Variants in MFF observed in about 807,000 individuals in gnomAD.
The protein encoded by MFF is chromosome 2 open reading frame 33.
In MFF, 12 loss-of-function variants were observed where a neutral mutation model predicts 36.9. The observed-to-expected ratio is 0.33, with a 90% CI of 0.21 to 0.53. MFF has a LOEUF of 0.53. Among genes scored for constraint, MFF ranks in the 20% least tolerant of loss-of-function variants. The pLI is 0.95. For synonymous variants in MFF, 99 were observed against 126.2 expected, an observed-to-expected ratio of 0.78 and a Z score of 1.44; for missense variants, 348 against 366.6, an observed-to-expected ratio of 0.95 and a Z score of 0.42.
At chr2:227,339,012 G>A (rs2075231094) in intron 4 of MFF, among the ~76,000 whole-genome samples, 1 of 151,876 alleles carries the variant, frequency 6.6e-6, no homozygotes, top group Non-Finnish European at 1.5e-5. Context: ...AGACCAGCCT[G>A]GGGAACATGG....
At chr2:227,328,402 G>A (rs976905125) in intron 1 of MFF, among the ~76,000 whole-genome samples, 3 of 149,472 alleles carry the variant, frequency 2.0e-5, no homozygotes, top group African/African-American at 2.5e-5. Context: ...TTAAACTTAC[G>A]TATTTTTCAT....
At chr2:227,355,549 G>T in intron 7 of MFF, 128 bp from the exon 8 acceptor site, 2 of 480,696 alleles carry the variant, frequency 4.2e-6, no homozygotes, top group South Asian at 4.4e-5. Context: ...AAATATTTTA[G>T]TAATTCATAT....
chr2:227,333,971 G>T (rs76849806), intron 4 of MFF, among the ~76,000 whole-genome samples: 2 of 152,274 alleles, frequency 1.3e-5, no homozygotes, highest in Admixed American at 1.3e-4. Context: ...ACTCTACGGG[G>T]TTCATTCCTG....
Position 227,357,023 on chromosome 2 carries a change from A to G in MFF, c.782A>G (p.Glu261Gly), listed in dbSNP as rs1314690385. ...AATAGACGTCTACAACTTCTGGAAGAGGAGAACAAAGAACGTGCTAAAAGA... is the reference window on the plus strand; with the variant it reads ...AATAGACGTCTACAACTTCTGGAAGGGGAGAACAAAGAACGTGCTAAAAGA... ...KLNRRLQLLEEENKERAKREM... is the reference protein window; with the variant it reads ...KLNRRLQLLEGENKERAKREM... The change falls in exon 9 of 9, where the codon GAG becomes GGG. Residue 261 changes from glutamate to glycine, a missense_variant. Transcript: ENST00000304593. 3 of 1,613,232 alleles carry G rather than the reference A, an allele frequency of 1.9e-6. No individual in the cohort carries two copies. Among genetic ancestry groups the G allele is most frequent in the Non-Finnish European group, 2.5e-6 (3 of 1,179,620 alleles).
At chr2:227,336,852 G>A (rs150362095) in intron 4 of MFF, among the ~76,000 whole-genome samples, 139 of 152,262 alleles carry the variant, frequency 9.1e-4, no homozygotes, top group Admixed American at 1.6e-3. Flanking sequence ...ATATGACAAC[G>A]CTAAGGATGT....
intron 5 of MFF, chr2:227,342,846 A>C: frequency 6.3e-7 from 1 of 1,588,376 alleles, no homozygotes; most frequent in Non-Finnish European, 8.6e-7. Context: ...TCTGCTTTTG[A>C]CAAGTAGTTG....
chr2:227,329,598 T>C, intron 2 of MFF: 1 of 528,886 alleles, frequency 1.9e-6, no homozygotes, highest in Non-Finnish European at 3.3e-6. Context: ...ATTCTTTCTT[T>C]TTTACAGCTG....
chr2:227,331,597 A>T (rs1183224513), intron 3 of MFF, among the ~76,000 whole-genome samples: 2 of 152,212 alleles, frequency 1.3e-5, no homozygotes, highest in African/African-American at 4.8e-5. Flanking sequence ...AAATTCTTGT[A>T]CTATGTTGCA....
chr2:227,329,695 A>T, intron 2 of MFF: 3 of 1,278,294 alleles, frequency 2.3e-6, no homozygotes, highest in Non-Finnish European at 2.3e-6. Context: ...ACTGAACTGC[A>T]GGGTAGCAGT....
At chr2:227,345,703 A>G (rs1191793517) in intron 5 of MFF, among the ~76,000 whole-genome samples, 4 of 151,924 alleles carry the variant, frequency 2.6e-5, no homozygotes, top group African/African-American at 7.3e-5. Context: ...TTGTTTGTTT[A>G]TTTGTTTTTA....
intron 7 of MFF, 129 bp from the exon 8 acceptor site, chr2:227,355,548 A>C: frequency 2.1e-6 from 1 of 485,378 alleles, no homozygotes; most frequent in Non-Finnish European, 3.8e-6. Context: ...AAAATATTTT[A>C]GTAATTCATA....
chr2:227,350,620 C>T (rs1395002326), intron 6 of MFF, among the ~76,000 whole-genome samples: 1 of 152,092 alleles, frequency 6.6e-6, no homozygotes, highest in African/African-American at 2.4e-5. Flanking sequence ...TATAATTTTT[C>T]TCTTTAAAAA....
chr2:227,338,595 G>GCCT (rs1170354674), intron 4 of MFF, among the ~76,000 whole-genome samples: 2 of 151,706 alleles, frequency 1.3e-5, no homozygotes, highest in African/African-American at 2.4e-5. Flanking sequence ...ACTTTGGGAG[G>GCCT]CTGAGGCAGC....
chr2:227,344,358 A>G (rs986927432), intron 5 of MFF, among the ~76,000 whole-genome samples: 1 of 152,140 alleles, frequency 6.6e-6, no homozygotes, highest in Non-Finnish European at 1.5e-5. Context: ...TATTTTCCAC[A>G]ATAGTTCACT....
At position 227,330,670 on chromosome 2, in the gene MFF, C is replaced by T; in HGVS notation, c.5C>T (p.Ala2Val). The change falls in exon 3 of 9, where the codon GCA (alanine) becomes GTA (valine). Residue 2 changes from alanine (A) to valine (V), a missense_variant. By Grantham distance (64) the Ala-to-Val change is moderately conservative. Coordinates refer to ENST00000304593, the MANE Select transcript of MFF (RefSeq NM_001277062.2). M[A>V]EISRIQYEME... ...CCTTCTCCCACTGCTGCTGAGATGGCAGAAATTAGTCGAATTCAGTACGAA... is the reference window on the plus strand; with the variant it reads ...CCTTCTCCCACTGCTGCTGAGATGGTAGAAATTAGTCGAATTCAGTACGAA... 1 of 1,614,004 alleles carries T rather than the reference C, an allele frequency of 6.2e-7. No individual in the cohort carries two copies. The highest frequency in any genetic ancestry group is 8.5e-7 in the Non-Finnish European group (1 of 1,179,912).
intron 6 of MFF, among the ~76,000 whole-genome samples, chr2:227,351,025 A>G (rs2075969861): frequency 6.6e-6 from 1 of 152,192 alleles, no homozygotes; most frequent in Non-Finnish European, 1.5e-5. Context: ...GTGGTGGAAT[A>G]GGTTGAATAT....
At chr2:227,325,470 C>G (rs765986067) in intron 1 of MFF, 43 bp downstream of exon 1, 1 of 152,408 alleles carries the variant, frequency 6.6e-6, no homozygotes, top group Non-Finnish European at 1.5e-5. Flanking sequence ...GCCGCCCGAG[C>G]TGGCTGCCAG....
chr2:227,336,648 A>G (rs1258379956), intron 4 of MFF, among the ~76,000 whole-genome samples: 1 of 152,194 alleles, frequency 6.6e-6, no homozygotes, highest in Non-Finnish European at 1.5e-5. Context: ...GTTATATCCA[A>G]AGTGTACAGC....
In MFF at chr2:227,330,809, T is replaced by C. The variant is rs577531491; in HGVS notation, c.144T>C (p.Ser48=). 75 of 1,614,222 alleles carry C rather than the reference T, an allele frequency of 4.6e-5. 1 individual carries two copies. In the South Asian group the frequency reaches 8.1e-4, roughly 17 times the overall value. The change falls in exon 3 of 9, where the codon AGT becomes AGC. Residue 48 remains serine, a synonymous_variant. Transcript: ENST00000304593. ...TCCAAGAAGGAGTTCCAAATGCTAG[T>C]GTGATAATGCAAGTTCCGGAGAGGA... ...QGFQEGVPNA[S]VIMQVPERIV... is the part of the protein sequence containing the mutation.
Sources: gnomAD v4.1 joint callset for allele counts (sites outside exome capture counted in the v4.1 genomes callset) on GRCh38, gnomAD v4.1.1 for gene constraint, MANE v1.5 for transcripts, NCBI Gene and HGNC (gene_info 2026-07-23, HGNC 2026-07-21) for gene names.